TLE2: variants seen among roughly 807,000 people sequenced by gnomAD.
The protein encoded by TLE2 is transducin-like enhancer protein 2.
Under a neutral mutation model 97.2 loss-of-function variants are expected in TLE2, and 74 were observed. The observed-to-expected ratio is 0.76, with a 90% CI of 0.63 to 0.92. The LOEUF is 0.92. Ranked by LOEUF, TLE2 falls within the 40% of genes least tolerant of loss-of-function variation. TLE2 has a pLI of 0.00. For missense variants in TLE2, 1,038 were observed against 1,008.7 expected, an observed-to-expected ratio of 1.03 and a Z score of -0.39; for synonymous variants, 499 against 432.1, an observed-to-expected ratio of 1.15 and a Z score of -1.92.
intron 10 of TLE2, 48 bp from the exon 11 acceptor site, chr19:3,013,866 G>A (rs934620697): frequency 7.1e-7 from 1 of 1,414,492 alleles, no homozygotes; most frequent in African/African-American, 1.5e-5. Flanking sequence ...GAGAGGGAAA[G>A]AAGAGTCCCT....
chr19:3,018,887 G>T (rs1339129917), intron 7 of TLE2, among the ~76,000 whole-genome samples: 1 of 151,770 alleles, frequency 6.6e-6, no homozygotes, highest in Non-Finnish European at 1.5e-5. Flanking sequence ...CAAAGTGCTG[G>T]GATTACAGGC....
intron 12 of TLE2, among the ~76,000 whole-genome samples, chr19:3,009,980 G>A (rs2089561093): frequency 6.6e-6 from 1 of 151,710 alleles, no homozygotes; most frequent in South Asian, 2.1e-4. Flanking sequence ...TGCCTCCTGG[G>A]TTCAAGCAAT....
chr19:3,019,351 G>C lies in TLE2; in HGVS notation c.482C>G (p.Ala161Gly). Residue 161 changes from alanine to glycine, a missense_variant, in exon 7 of 20, where the codon GCT becomes GGT. By Grantham distance (60) the Ala-to-Gly change is moderately conservative. Transcript: ENST00000262953. The surrounding 1 kb of genome is among the most constrained non-coding windows in gnomAD (Gnocchi z 5.1). The stretch of plus-strand genomic sequence containing the variant: ...AGCCGCCGCCAGCTGAGCCTGGGCA[G>C]CCAGGGCTCCAGACAGAGCAAGCAG... ...TGLLALSGAL[A>G]AQAQLAAAVK... The C allele has an allele frequency of 6.4e-7, 1 of 1,566,072 alleles. No individual in the cohort carries two copies. Among genetic ancestry groups the C allele is most frequent in the South Asian group, 1.2e-5 (1 of 85,940 alleles).
chr19:3,032,489 T>C (rs1175524357), upstream of TLE2, among the ~76,000 whole-genome samples: 1 of 152,102 alleles, frequency 6.6e-6, no homozygotes, highest in Non-Finnish European at 1.5e-5. This position sits in a 1 kb window ranked among gnomAD's most constrained non-coding sequence, Gnocchi z 4.1. Flanking sequence ...CCACCCTCCT[T>C]GGCCTCCCAA....
intron 5 of TLE2, among the ~76,000 whole-genome samples, chr19:3,021,871 C>T (rs1157213571): frequency 6.6e-6 from 1 of 152,180 alleles, no homozygotes; most frequent in Non-Finnish European, 1.5e-5. Context: ...GTGTGAGCCA[C>T]TGCGCCCAGC....
Position 3,019,893 on chromosome 19 carries a change from CTCTTT to C in TLE2, c.295-125_295-121del, listed in dbSNP as rs2089802373. ...ATCTTTGCCCCGGTACTTCCCATTTCTCTTTTATCTTTTTCCCTCTCACTCTCTCC... is the reference window on the plus strand; with the variant it reads ...ATCTTTGCCCCGGTACTTCCCATTTCTATCTTTTTCCCTCTCACTCTCTCC... On this transcript the variant is annotated intron_variant, in intron 5 of 19. Coordinates refer to ENST00000262953, the MANE Select transcript of TLE2 (RefSeq NM_003260.5). The surrounding 1 kb of genome is among the most constrained non-coding windows in gnomAD (Gnocchi z 5.1). The C allele has an allele frequency of 1.1e-5, 14 of 1,314,206 alleles. No individual in the cohort carries two copies. The South Asian group carries it at 1.5e-4, about 14-fold the overall frequency. 81.4% of individuals were successfully genotyped at this position (1,314,206 alleles called of 1,614,324 possible).
intron 10 of TLE2, 73 bp from the exon 11 acceptor site, chr19:3,013,891 C>T (rs2089648020): frequency 4.5e-6 from 6 of 1,322,204 alleles, no homozygotes; most frequent in Non-Finnish European, 5.9e-6. Context: ...TATCCTCCTC[C>T]CGACTCCCAC....
At chr19:3,026,454 T>TAAAAAA (rs1568249444) in intron 4 of TLE2, among the ~76,000 whole-genome samples, 1 of 104,540 alleles carries the variant, frequency 9.6e-6, no homozygotes, top group African/African-American at 4.0e-5. Flanking sequence ...GTCTCAAAAT[T>TAAAAAA]TAAAAAAAAA....
intron 5 of TLE2, among the ~76,000 whole-genome samples, chr19:3,023,907 CAAAAGAAAAGAAAAAG>C (rs139108329): frequency 6.7e-6 from 1 of 148,178 alleles, no homozygotes; most frequent in African/African-American, 2.5e-5. Flanking sequence ...CACACACACA[CAAAAGAAAAGAAAAAG>C]AAAAAAGAAA....
In TLE2 at chr19:3,028,958, C is replaced by T; in HGVS notation, c.-54G>A. The T allele has an allele frequency of 6.3e-7, 1 of 1,592,520 alleles. No individual in the cohort carries two copies. Among genetic ancestry groups the T allele is most frequent in the Non-Finnish European group, 8.5e-7 (1 of 1,170,696 alleles). ...CCACCAGAGCTTGATGATATGGAGG[C>T]GGCAAGAGTGGGGGAGGCTGAAGTG... On this transcript the variant is annotated 5_prime_UTR_variant, in exon 1 of 20. Coordinates refer to ENST00000262953, the MANE Select transcript of TLE2 (RefSeq NM_003260.5).
chr19:3,010,331 T>G (rs1167336244), intron 12 of TLE2, among the ~76,000 whole-genome samples: 1 of 147,946 alleles, frequency 6.8e-6, no homozygotes, highest in Non-Finnish European at 1.5e-5. Flanking sequence ...GCCATTGCAC[T>G]CCAGCCTGTG....
chr19:3,034,517 A>C (rs2090048268), intron 1 of TLE2, among the ~76,000 whole-genome samples: 12 of 142,526 alleles, frequency 8.4e-5, no homozygotes, highest in East Asian at 2.1e-4. Flanking sequence ...TTTCTTTCCC[A>C]CCTCTGAGCC....
In TLE2 at chr19:3,019,427, C is replaced by G; in HGVS notation, c.406G>C (p.Val136Leu). The change falls in exon 7 of 20, where the codon GTG becomes CTG. Residue 136 changes from valine (V) to leucine (L), a missense_variant. By Grantham distance (32) the Val-to-Leu change is conservative (BLOSUM62 1). Transcript: ENST00000262953. The surrounding 1 kb of genome is among the most constrained non-coding windows in gnomAD (Gnocchi z 5.1). ...CCGGCTGGGCGGGGGGTGAGGGGCA[C>G]AGGGGGTGCGTGGTGGGACAGCGGC... ...LQPLSHHAPP[V>L]PLTPRPAGLV... 2 of 1,535,974 alleles carry G rather than the reference C, an allele frequency of 1.3e-6. No individual in the cohort carries two copies. Among genetic ancestry groups the G allele is most frequent in the Non-Finnish European group, 1.7e-6 (2 of 1,146,406 alleles).
chr19:2,999,736 A>AG (rs1238115202), intron 19 of TLE2, among the ~76,000 whole-genome samples: 36 of 135,886 alleles, frequency 2.6e-4, no homozygotes, highest in African/African-American at 9.1e-4. Flanking sequence ...CAAAAAAAAA[A>AG]AAAGAAAGAA....
At chr19:3,015,808 TCC>T in intron 8 of TLE2, 48 bp from the exon 9 acceptor site, 1 of 1,395,140 alleles carries the variant, frequency 7.2e-7, no homozygotes, top group Non-Finnish European at 9.9e-7. Context: ...GGCCCTGGGC[TCC>T]TAGATTGCAT....
intron 19 of TLE2, among the ~76,000 whole-genome samples, chr19:2,998,236 A>AAT (rs2089262144): frequency 3.5e-5 from 3 of 85,136 alleles, no homozygotes; most frequent in South Asian, 4.6e-4. Flanking sequence ...ACGCCCGGCC[A>AAT]ATGTGTGTGT....
At chr19:3,008,009 G>C (rs536400542) in intron 14 of TLE2, among the ~76,000 whole-genome samples, 1 of 152,276 alleles carries the variant, frequency 6.6e-6, no homozygotes, top group South Asian at 2.1e-4. Flanking sequence ...TTGAACCCAG[G>C]AGGTGGAGGT....
intron 19 of TLE2, among the ~76,000 whole-genome samples, chr19:2,998,702 C>T (rs907269933): frequency 1.3e-5 from 2 of 152,202 alleles, no homozygotes; most frequent in East Asian, 1.9e-4. Context: ...CGTGAGCCAC[C>T]GCGCCCGGCA....
chr19:3,011,028 T>C lies in TLE2; in HGVS notation c.1006A>G (p.Ser336Gly), dbSNP rs2089584282. Residue 336 changes from serine to glycine, a missense_variant, in exon 12 of 20, where the codon AGC becomes GGC. Physicochemically the swap from Ser to Gly is moderately conservative, Grantham distance 56. Transcript: ENST00000262953. ...CAACAGGCAAGGTGCTCACCGACGCTGTCCGTGGAAGGTGCTGGCTTGGCA... is the reference window on the plus strand; with the variant it reads ...CAACAGGCAAGGTGCTCACCGACGCCGTCCGTGGAAGGTGCTGGCTTGGCA... ...LAAKPAPSTD[S>G]VALRSPLTLS... 6 of 1,605,584 alleles carry C rather than the reference T, an allele frequency of 3.7e-6. No homozygotes were observed. Among genetic ancestry groups the C allele is most frequent in the Non-Finnish European group, 5.1e-6 (6 of 1,177,182 alleles).
Sources: gnomAD v4.1 joint callset for allele counts (sites outside exome capture counted in the v4.1 genomes callset) on GRCh38, gnomAD v4.1.1 for gene constraint, Gnocchi (gnomAD v3.1) non-coding constraint, MANE v1.5 for transcripts, NCBI Gene and HGNC (gene_info 2026-07-23, HGNC 2026-07-21) for gene names.